Variants in PRR16 observed in about 807,000 individuals in gnomAD.
PRR16 encodes protein Largen.
PRR16 carries 6 observed loss-of-function variants against 18.2 expected under a neutral mutation model. That is an observed-to-expected ratio of 0.33 (90% confidence interval 0.18 to 0.65). The LOEUF (loss-of-function observed/expected upper bound fraction) is 0.65, where lower values mean the gene tolerates loss of function less well. Among genes scored for constraint, PRR16 ranks in the 30% least tolerant of loss-of-function variants. The probability of loss-of-function intolerance (pLI) is 0.74; values close to 1 mark genes in which losing one functional copy is unlikely to be tolerated. For missense variants in PRR16, 412 were observed against 376.6 expected, an observed-to-expected ratio of 1.09 and a Z score of -0.78; for synonymous variants, 151 against 147.8, an observed-to-expected ratio of 1.02 and a Z score of -0.16.
At chr5:120,719,422 TTCA>T in the PRR16 span, among the ~76,000 whole-genome samples, 2,654 of 152,162 alleles carry the variant, frequency 0.017, 45 homozygotes, top group Non-Finnish European at 0.025. Flanking sequence ...ATAAATTAAC[TTCA>T]TCAAGGTAAT....
At chr5:120,564,024 G>C (rs1324488620) in intron 1 of PRR16, among the ~76,000 whole-genome samples, 1 of 152,084 alleles carries the variant, frequency 6.6e-6, no homozygotes, top group African/African-American at 2.4e-5. Context: ...TTTTGGCCCA[G>C]GGTGTGTCTG....
At chr5:120,750,838 T>C in the PRR16 span, among the ~76,000 whole-genome samples, 1 of 152,174 alleles carries the variant, frequency 6.6e-6, no homozygotes, top group East Asian at 1.9e-4. Context: ...ACTTCTCTAG[T>C]TATTTTAAAA....
At chr5:120,728,641 G>C in the PRR16 span, among the ~76,000 whole-genome samples, 1 of 152,122 alleles carries the variant, frequency 6.6e-6, no homozygotes, top group African/African-American at 2.4e-5. Flanking sequence ...TTTTCAAGAA[G>C]AGAATTTATT....
intron 1 of PRR16, among the ~76,000 whole-genome samples, chr5:120,581,367 C>T (rs559810733): frequency 6.6e-6 from 1 of 152,166 alleles, no homozygotes; most frequent in African/African-American, 2.4e-5. Context: ...GTGGTGATAT[C>T]CCCTTTATCA....
At chr5:120,608,299 G>C (rs975876124) in intron 1 of PRR16, among the ~76,000 whole-genome samples, 7 of 152,142 alleles carry the variant, frequency 4.6e-5, no homozygotes, top group Non-Finnish European at 7.4e-5. Context: ...GAAGTAAAAA[G>C]AGTGTGCTAC....
chr5:120,661,716 A>T (rs1212203360), intron 1 of PRR16, among the ~76,000 whole-genome samples: 1 of 151,918 alleles, frequency 6.6e-6, no homozygotes, highest in Non-Finnish European at 1.5e-5. Context: ...CAGCTGCTAT[A>T]TGGGGCCAAG....
intron 1 of PRR16, among the ~76,000 whole-genome samples, chr5:120,579,428 A>G (rs530213658): frequency 6.6e-6 from 1 of 152,230 alleles, no homozygotes; most frequent in South Asian, 2.1e-4. Context: ...TAATTTTTGT[A>G]TAAGGTGTAA....
chr5:120,728,986 C>T, the PRR16 span, among the ~76,000 whole-genome samples: 1 of 152,080 alleles, frequency 6.6e-6, no homozygotes, highest in Non-Finnish European at 1.5e-5. Context: ...CTTCCCTAAG[C>T]CATTTTATTC....
chr5:120,757,815 A>T, the PRR16 span, among the ~76,000 whole-genome samples: 1 of 133,036 alleles, frequency 7.5e-6, no homozygotes, highest in African/African-American at 2.5e-5. Flanking sequence ...TGACTGATAT[A>T]CTCAAAATGA....
intron 1 of PRR16, among the ~76,000 whole-genome samples, chr5:120,637,625 A>G (rs1755281580): frequency 9.2e-6 from 1 of 109,150 alleles, no homozygotes; most frequent in Admixed American, 1.2e-4. Context: ...AGAATGATAC[A>G]TTGGACTTTG....
the PRR16 span, among the ~76,000 whole-genome samples, chr5:120,712,769 TGA>T: frequency 6.6e-6 from 1 of 152,054 alleles, no homozygotes; most frequent in Admixed American, 6.6e-5. Context: ...AAAACCACAA[TGA>T]GTTATCATTT....
downstream of PRR16, among the ~76,000 whole-genome samples, chr5:120,691,126 G>A (rs1014861074): frequency 1.3e-5 from 2 of 152,102 alleles, no homozygotes; most frequent in Non-Finnish European, 2.9e-5. Context: ...CCAGACCTCA[G>A]TTTCAATATT....
intron 1 of PRR16, among the ~76,000 whole-genome samples, chr5:120,560,840 C>T (rs1298309677): frequency 1.3e-5 from 2 of 151,988 alleles, no homozygotes; most frequent in Non-Finnish European, 2.9e-5. Context: ...GGATTTCTTA[C>T]TGGTTCAATC....
chr5:120,793,663 C>T, the PRR16 span, among the ~76,000 whole-genome samples: 20 of 152,050 alleles, frequency 1.3e-4, no homozygotes, highest in Admixed American at 3.3e-4. Flanking sequence ...TAAAACAGTA[C>T]GAAGAGTAAA....
chr5:120,746,379 C>T, the PRR16 span, among the ~76,000 whole-genome samples: 1 of 151,720 alleles, frequency 6.6e-6, no homozygotes, highest in Non-Finnish European at 1.5e-5. Context: ...CTGAAATGTA[C>T]CCTTAAGTCT....
chr5:120,683,442 C>A (rs1276259376), intron 1 of PRR16, among the ~76,000 whole-genome samples: 1 of 145,290 alleles, frequency 6.9e-6, no homozygotes, highest in African/African-American at 2.6e-5. Context: ...ATGGAGGTTG[C>A]GGTGAGCTGA....
chr5:120,762,344 G>C, the PRR16 span, among the ~76,000 whole-genome samples: 1 of 152,102 alleles, frequency 6.6e-6, no homozygotes, highest in African/African-American at 2.4e-5. Flanking sequence ...TAGTATGTAA[G>C]AGTTCTTTTT....
At chr5:120,499,084 A>G (rs1166316984) in intron 1 of PRR16, among the ~76,000 whole-genome samples, 2 of 137,482 alleles carry the variant, frequency 1.5e-5, no homozygotes, top group Non-Finnish European at 3.2e-5. Context: ...AATATGGGAC[A>G]TTTTCAGTCA....
the PRR16 span, among the ~76,000 whole-genome samples, chr5:120,792,601 G>T: frequency 6.6e-6 from 1 of 152,092 alleles, no homozygotes; most frequent in South Asian, 2.1e-4. Context: ...TAGAGTGCTG[G>T]TGTCTTACAC....
Sources: gnomAD v4.1 joint callset for allele counts (sites outside exome capture counted in the v4.1 genomes callset) on GRCh38, gnomAD v4.1.1 for gene constraint, MANE v1.5 for transcripts, NCBI Gene and HGNC (gene_info 2026-07-23, HGNC 2026-07-21) for gene names.